Variants in NHSL1 observed in about 807,000 individuals in gnomAD.
NHSL1 encodes NHS-like protein 1.
NHSL1 carries 48 observed loss-of-function variants against 95.0 expected under a neutral mutation model. The observed-to-expected ratio is 0.51, with a 90% CI of 0.40 to 0.64. The LOEUF (loss-of-function observed/expected upper bound fraction) is 0.64, where lower values mean the gene tolerates loss of function less well. Ranked by LOEUF, NHSL1 falls within the 30% of genes least tolerant of loss-of-function variation. The pLI, the probability that NHSL1 is intolerant of heterozygous loss-of-function variation, is 0.00. For missense variants in NHSL1, 1,971 were observed against 2,077.7 expected (o/e 0.95, Z 1.00); for synonymous variants, 783 against 833.9 (o/e 0.94, Z 1.05).
At chr6:138,448,011 A>G (rs1253428628) in intron 3 of NHSL1, among the ~76,000 whole-genome samples, 1 of 152,252 alleles carries the variant, frequency 6.6e-6, no homozygotes, top group East Asian at 1.9e-4. Flanking sequence ...GGAAAAAATC[A>G]GTGTGAAATT....
At chr6:138,585,560 A>G (rs948128160) in intron 1 of NHSL1, among the ~76,000 whole-genome samples, 19 of 152,212 alleles carry the variant, frequency 1.2e-4, no homozygotes, top group African/African-American at 4.6e-4. Flanking sequence ...AAAAAATTGA[A>G]AACTCCAAAT....
At chr6:138,514,297 G>A (rs758580678) in intron 1 of NHSL1, among the ~76,000 whole-genome samples, 1 of 150,432 alleles carries the variant, frequency 6.6e-6, no homozygotes, top group Non-Finnish European at 1.5e-5. Context: ...CAGCCTGGGT[G>A]ACAGAGCAAG....
intron 3 of NHSL1, among the ~76,000 whole-genome samples, chr6:138,467,656 C>T (rs2128241497): frequency 6.6e-6 from 1 of 152,244 alleles, no homozygotes; most frequent in East Asian, 1.9e-4. Flanking sequence ...GCTGCTGACC[C>T]TGTATCCTGT....
At chr6:138,562,356 C>T (rs1405758672) in intron 1 of NHSL1, among the ~76,000 whole-genome samples, 2 of 152,074 alleles carry the variant, frequency 1.3e-5, no homozygotes, top group East Asian at 3.9e-4. Context: ...AATAAAGATA[C>T]CCTAACATGG....
chr6:138,648,352 G>C (rs1427005763), intron 1 of NHSL1, among the ~76,000 whole-genome samples: 1 of 134,024 alleles, frequency 7.5e-6, no homozygotes. Context: ...TACGGACACT[G>C]AAAAAAAAAA....
In NHSL1 at chr6:138,433,436, C is replaced by A; in HGVS notation, c.909G>T (p.Val303=). 3 of 1,552,338 alleles carry A rather than the reference C, an allele frequency of 1.9e-6. No homozygotes were observed. Among genetic ancestry groups the A allele is most frequent in the Non-Finnish European group, 2.6e-6 (3 of 1,147,138 alleles). Residue 303 remains valine, a synonymous_variant, in exon 6 of 8, where the codon GTG becomes GTT. Transcript: ENST00000343505. ...ATACGATCCCTGCAGAATCGCTCAG[C>A]ACAGACATGTTGCCAGAGGAACCTG... The part of the protein sequence containing the change: ...HFSGSSGNMS[V]LSDSAGIVFP...
At chr6:138,611,538 A>G (rs1055634694) in intron 1 of NHSL1, among the ~76,000 whole-genome samples, 1 of 151,816 alleles carries the variant, frequency 6.6e-6, no homozygotes, top group Non-Finnish European at 1.5e-5. Flanking sequence ...CGAGGTCAGG[A>G]GATCGAGACC....
intron 1 of NHSL1, among the ~76,000 whole-genome samples, chr6:138,673,729 C>T (rs948313956): frequency 1.3e-5 from 2 of 152,180 alleles, no homozygotes. Flanking sequence ...ATTTTCAAGT[C>T]ATGTTTGACA....
chr6:138,552,111 T>C (rs1418610109), intron 1 of NHSL1, among the ~76,000 whole-genome samples: 1 of 152,186 alleles, frequency 6.6e-6, no homozygotes, highest in African/African-American at 2.4e-5. Flanking sequence ...TCTGCTCTAA[T>C]TCGCCATTTA....
intron 1 of NHSL1, among the ~76,000 whole-genome samples, chr6:138,524,411 CAT>C (rs1027012760): frequency 6.6e-6 from 1 of 152,192 alleles, no homozygotes; most frequent in African/African-American, 2.4e-5. Flanking sequence ...CATCCCCACA[CAT>C]AACCATTACC....
chr6:138,511,977 C>T (rs9402979), intron 1 of NHSL1, among the ~76,000 whole-genome samples: 33,218 of 152,120 alleles, frequency 0.22, 4,353 homozygotes, highest in East Asian at 0.44. Flanking sequence ...CCAAACTTCT[C>T]GAAAATTGCA....
chr6:138,451,258 T>C (rs906118338), intron 3 of NHSL1, among the ~76,000 whole-genome samples: 7 of 152,212 alleles, frequency 4.6e-5, no homozygotes, highest in Non-Finnish European at 1.0e-4. Flanking sequence ...TCAGGGCCTT[T>C]GCACTTGCTG....
chr6:138,532,209 G>C (rs765912271), intron 1 of NHSL1, among the ~76,000 whole-genome samples: 31 of 152,302 alleles, frequency 2.0e-4, no homozygotes, highest in Non-Finnish European at 3.5e-4. Context: ...AATATGGATG[G>C]GGGAAGAGGC....
At chr6:138,657,015 G>A (rs1409541503) in intron 1 of NHSL1, among the ~76,000 whole-genome samples, 3 of 152,008 alleles carry the variant, frequency 2.0e-5, no homozygotes, top group East Asian at 3.8e-4. Flanking sequence ...TAATATTCTA[G>A]ATGCCCTTCA....
At chr6:138,425,088 T>C (rs889238362) in intron 7 of NHSL1, among the ~76,000 whole-genome samples, 5 of 152,168 alleles carry the variant, frequency 3.3e-5, no homozygotes, top group African/African-American at 1.2e-4. Flanking sequence ...GAAAAAGTAA[T>C]AAATGCATAA....
intron 1 of NHSL1, among the ~76,000 whole-genome samples, chr6:138,631,643 G>A (rs1784821057): frequency 6.6e-6 from 1 of 152,076 alleles, no homozygotes; most frequent in Non-Finnish European, 1.5e-5. Context: ...TGAAAGGAAG[G>A]ACCTACTCCT....
At chr6:138,499,983 G>T (rs1019286766), upstream of NHSL1, among the ~76,000 whole-genome samples, 2 of 152,012 alleles carry the variant, frequency 1.3e-5, no homozygotes, top group Non-Finnish European at 2.9e-5. Context: ...TGCAAATTAG[G>T]ATGCTCTGTC....
intron 7 of NHSL1, among the ~76,000 whole-genome samples, chr6:138,426,355 A>G (rs2128189649): frequency 6.6e-6 from 1 of 152,202 alleles, no homozygotes; most frequent in East Asian, 1.9e-4. Flanking sequence ...ATAAGATACC[A>G]ACCTCACAGG....
chr6:138,681,731 G>A (rs1052381711), intron 1 of NHSL1, among the ~76,000 whole-genome samples: 5 of 151,882 alleles, frequency 3.3e-5, no homozygotes, highest in Admixed American at 6.6e-5. Flanking sequence ...TTTACACATC[G>A]TGGTCTCTGA....
Sources: gnomAD v4.1 joint callset for allele counts (sites outside exome capture counted in the v4.1 genomes callset) on GRCh38, gnomAD v4.1.1 for gene constraint, MANE v1.5 for transcripts, NCBI Gene and HGNC (gene_info 2026-07-23, HGNC 2026-07-21) for gene names.